Variants in ATG10 observed in about 807,000 individuals in gnomAD.
ATG10 encodes the protein ubiquitin-like-conjugating enzyme ATG10.
Under a neutral mutation model 32.1 loss-of-function variants are expected in ATG10, and 30 were observed. The ratio of observed to expected loss-of-function variants is 0.94; its 90% CI spans 0.70 to 1.27. ATG10 has a LOEUF of 1.27. ATG10 is among the 50% of genes most tolerant of loss of function. ATG10 has a pLI of 0.00. For synonymous variants in ATG10, 87 were observed against 91.5 expected (o/e 0.95, Z 0.28); for missense variants, 233 against 262.3 (o/e 0.89, Z 0.77).
intron 5 of ATG10, among the ~76,000 whole-genome samples, chr5:82,246,542 A>G (rs1362802556): frequency 6.7e-6 from 1 of 148,504 alleles, no homozygotes; most frequent in Non-Finnish European, 1.5e-5. Flanking sequence ...AAAGAAAAAA[A>G]GAAAAAAAAT....
chr5:82,064,530 T>TA (rs1216402160), intron 3 of ATG10, among the ~76,000 whole-genome samples: 1 of 152,120 alleles, frequency 6.6e-6, no homozygotes, highest in Non-Finnish European at 1.5e-5. Context: ...TAATTTTTTT[T>TA]ATCAATGACT....
chr5:82,084,957 A>G (rs1764618197), intron 3 of ATG10, among the ~76,000 whole-genome samples: 1 of 152,234 alleles, frequency 6.6e-6, no homozygotes, highest in Non-Finnish European at 1.5e-5. Flanking sequence ...CATCATAATG[A>G]CAGGATCAAA....
intron 1 of ATG10, among the ~76,000 whole-genome samples, chr5:81,980,652 T>C (rs1318783484): frequency 6.6e-6 from 1 of 152,096 alleles, no homozygotes; most frequent in African/African-American, 2.4e-5. Flanking sequence ...TATAGTTTTT[T>C]TTTTTTTAGT....
intron 3 of ATG10, among the ~76,000 whole-genome samples, chr5:82,122,344 T>G (rs539647719): frequency 1.3e-5 from 2 of 152,130 alleles, no homozygotes; most frequent in African/African-American, 4.8e-5. Context: ...CTTTTTTACA[T>G]CGTATACAAA....
intron 3 of ATG10, among the ~76,000 whole-genome samples, chr5:82,084,972 C>G (rs1764618798): frequency 6.6e-6 from 1 of 152,196 alleles, no homozygotes; most frequent in Non-Finnish European, 1.5e-5. Context: ...ATCAAATTCA[C>G]ACAGAACAAT....
chr5:82,005,962 G>A (rs1345240288), intron 2 of ATG10, among the ~76,000 whole-genome samples: 3 of 151,898 alleles, frequency 2.0e-5, no homozygotes, highest in Admixed American at 6.6e-5. Context: ...TGAAGTATAC[G>A]TGGCAACATA....
intron 3 of ATG10, among the ~76,000 whole-genome samples, chr5:82,066,257 C>T (rs1763939110): frequency 2.0e-5 from 3 of 152,058 alleles, no homozygotes; most frequent in Admixed American, 1.3e-4. Context: ...ATTCAGCTAC[C>T]TATACACACT....
chr5:82,164,600 T>C (rs2149900740), intron 4 of ATG10, 63 bp downstream of exon 4: 1 of 1,461,548 alleles, frequency 6.8e-7, no homozygotes. Context: ...AAAAAGCATA[T>C]TTGGAAAATT....
At chr5:82,002,396 C>T (rs1561249084) in intron 2 of ATG10, among the ~76,000 whole-genome samples, 1 of 152,096 alleles carries the variant, frequency 6.6e-6, no homozygotes, top group Admixed American at 6.6e-5. Context: ...ATCCTAAATG[C>T]CCATCAACAG....
chr5:82,111,821 AAACT>A (rs893484370), intron 3 of ATG10, among the ~76,000 whole-genome samples: 2 of 152,006 alleles, frequency 1.3e-5, no homozygotes, highest in Admixed American at 6.6e-5. Flanking sequence ...CATTACAAAA[AAACT>A]AACTATTAAT....
chr5:82,014,538 G>A (rs979942819), intron 2 of ATG10, among the ~76,000 whole-genome samples: 2 of 152,150 alleles, frequency 1.3e-5, no homozygotes, highest in African/African-American at 4.8e-5. Context: ...ATATATTTAG[G>A]ATAGATAGCT....
chr5:81,982,606 C>T (rs1444801427), intron 1 of ATG10, among the ~76,000 whole-genome samples: 3 of 150,258 alleles, frequency 2.0e-5, no homozygotes, highest in Non-Finnish European at 1.5e-5. Context: ...GGGTGTTTCT[C>T]GCAGAGGGGG....
intron 5 of ATG10, among the ~76,000 whole-genome samples, chr5:82,234,860 T>G (rs1746495604): frequency 6.6e-6 from 1 of 152,262 alleles, no homozygotes; most frequent in African/African-American, 2.4e-5. Context: ...CTTTGCTGCC[T>G]AATTCTTTCC....
intron 2 of ATG10, among the ~76,000 whole-genome samples, chr5:82,029,152 T>C (rs1237605031): frequency 2.6e-5 from 4 of 152,222 alleles, no homozygotes; most frequent in Non-Finnish European, 5.9e-5. Context: ...TGATGGCACT[T>C]GTAGAGTACA....
Position 82,138,594 on chromosome 5 carries a change from G to A in ATG10, c.217-25805G>A, listed in dbSNP as rs140547101. Reference sequence around the variant, plus strand: ...CCAATGAGATGAACTGGGTACCTCAGTTGGAAATGCAGAAATCACCTGCCT... The same window carrying A: ...CCAATGAGATGAACTGGGTACCTCAATTGGAAATGCAGAAATCACCTGCCT... On this transcript the variant is annotated intron_variant, in intron 3 of 7. Coordinates refer to ENST00000282185, the MANE Select transcript of ATG10 (RefSeq NM_031482.5). Among the ~76,000 whole-genome samples, 234 of 152,246 alleles carry A rather than the reference G, an allele frequency of 1.5e-3. 8 individuals carry two copies. In the East Asian group the frequency reaches 0.044, roughly 29 times the overall value.
At chr5:82,127,407 C>G (rs188170882) in intron 3 of ATG10, among the ~76,000 whole-genome samples, 1 of 152,080 alleles carries the variant, frequency 6.6e-6, no homozygotes, top group Admixed American at 6.6e-5. Flanking sequence ...CCTGCTTCCT[C>G]CTGTGGGCAT....
At chr5:82,058,699 A>AT in intron 3 of ATG10, 97 bp downstream of exon 3, 12 of 736,324 alleles carry the variant, frequency 1.6e-5, no homozygotes, top group Non-Finnish European at 2.8e-5. Flanking sequence ...ATCCTATGGA[A>AT]GCACCACAAT....
chr5:82,111,150 C>T (rs1765607340), intron 3 of ATG10, among the ~76,000 whole-genome samples: 1 of 151,932 alleles, frequency 6.6e-6, no homozygotes, highest in Admixed American at 6.6e-5. Context: ...TTTATTTTAT[C>T]AAACTTTATA....
chr5:82,251,399 C>CA (rs1328492857), intron 5 of ATG10, among the ~76,000 whole-genome samples: 1 of 152,154 alleles, frequency 6.6e-6, no homozygotes, highest in Non-Finnish European at 1.5e-5. Flanking sequence ...TTACTTGTCC[C>CA]ACTCCATGTT....
Sources: allele counts gnomAD v4.1 joint callset (sites outside exome capture counted in the v4.1 genomes callset), GRCh38; gene constraint gnomAD v4.1.1; transcripts MANE v1.5; gene names NCBI Gene and HGNC (gene_info 2026-07-23, HGNC 2026-07-21).